Variants in EPB41L5 observed in about 807,000 individuals in gnomAD.
The protein encoded by EPB41L5 is erythrocyte membrane protein band 4.1 like 5, also known as band 4.1-like protein 5.
Under a neutral mutation model 106.6 loss-of-function variants are expected in EPB41L5, and 55 were observed. The observed-to-expected ratio is 0.52, with a 90% CI of 0.42 to 0.65. The LOEUF is 0.65. EPB41L5 is among the 30% of genes least tolerant of loss of function. EPB41L5 has a pLI of 0.00. For missense variants in EPB41L5, 871 were observed against 882.1 expected, an observed-to-expected ratio of 0.99 and a Z score of 0.16; for synonymous variants, 297 against 306.7, an observed-to-expected ratio of 0.97 and a Z score of 0.33.
At chr2:120,037,288 C>T (rs143735396) in intron 2 of EPB41L5, among the ~76,000 whole-genome samples, 82 of 152,244 alleles carry the variant, frequency 5.4e-4, no homozygotes, top group East Asian at 2.9e-3. Flanking sequence ...AGATATCCCA[C>T]GTTCAAGAAT....
intron 2 of EPB41L5, among the ~76,000 whole-genome samples, chr2:120,029,787 A>T (rs1476183312): frequency 5.3e-5 from 8 of 152,198 alleles, no homozygotes; most frequent in Non-Finnish European, 1.5e-5. Flanking sequence ...TATAGATAAA[A>T]ATACTACCGC....
chr2:120,149,585 G>A (rs1307123163), intron 20 of EPB41L5, among the ~76,000 whole-genome samples: 2 of 152,146 alleles, frequency 1.3e-5, no homozygotes, highest in Non-Finnish European at 2.9e-5. Flanking sequence ...TTTTATGGCT[G>A]TATAATATTT....
intron 11 of EPB41L5, among the ~76,000 whole-genome samples, chr2:120,087,715 T>C (rs1665075): frequency 1 from 151,925 of 152,312 alleles, 75,771 homozygotes; most frequent in Middle Eastern, 1. Flanking sequence ...TCTCAAACTC[T>C]TGGCCTTAAG....
At chr2:120,068,161 C>T (rs1377090044) in intron 3 of EPB41L5, among the ~76,000 whole-genome samples, 1 of 152,236 alleles carries the variant, frequency 6.6e-6, no homozygotes, top group Non-Finnish European at 1.5e-5. Flanking sequence ...ATCGCCTCAT[C>T]CGGGAAGCAC....
intron 2 of EPB41L5, among the ~76,000 whole-genome samples, chr2:120,029,393 C>T (rs564588795): frequency 4.7e-4 from 71 of 152,130 alleles, no homozygotes; most frequent in Middle Eastern, 3.4e-3. Context: ...TTTTGTATTT[C>T]GTATATTGGT....
intron 24 of EPB41L5, among the ~76,000 whole-genome samples, chr2:120,173,685 C>T (rs897520178): frequency 6.6e-6 from 1 of 152,120 alleles, no homozygotes; most frequent in African/African-American, 2.4e-5. Context: ...CGTTTTACAT[C>T]TTTAAACTTT....
intron 2 of EPB41L5, among the ~76,000 whole-genome samples, chr2:120,037,952 GA>G (rs1387931862): frequency 4.6e-5 from 7 of 152,042 alleles, no homozygotes; most frequent in African/African-American, 1.7e-4. Flanking sequence ...AGAAAACAGG[GA>G]AAAAATCTTC....
intron 14 of EPB41L5, among the ~76,000 whole-genome samples, chr2:120,096,026 T>C (rs141463676): frequency 8.3e-4 from 127 of 152,304 alleles, no homozygotes; most frequent in Non-Finnish European, 1.5e-3. Flanking sequence ...TGGTCTCATA[T>C]AATGCTTAAT....
intron 10 of EPB41L5, among the ~76,000 whole-genome samples, chr2:120,083,432 C>T (rs1371510196): frequency 6.6e-6 from 1 of 152,122 alleles, no homozygotes; most frequent in East Asian, 1.9e-4. Flanking sequence ...TTTCTTAATC[C>T]TGAGTTCTAG....
chr2:120,027,114 A>G (rs1471228956), intron 2 of EPB41L5, among the ~76,000 whole-genome samples: 1 of 152,248 alleles, frequency 6.6e-6, no homozygotes, highest in Non-Finnish European at 1.5e-5. Flanking sequence ...GTAGGAATGT[A>G]AAATGGCGCA....
At chr2:120,061,565 T>C (rs1161459141) in intron 3 of EPB41L5, among the ~76,000 whole-genome samples, 1 of 151,678 alleles carries the variant, frequency 6.6e-6, no homozygotes, top group Non-Finnish European at 1.5e-5. Context: ...TTGGGTGGGC[T>C]GGTCTCGAGT....
intron 16 of EPB41L5, among the ~76,000 whole-genome samples, chr2:120,109,085 G>A (rs1290846156): frequency 1.3e-5 from 2 of 151,950 alleles, no homozygotes; most frequent in Non-Finnish European, 2.9e-5. Context: ...ACCTCATTGG[G>A]TCTTCTTTAT....
chr2:120,127,947 A>G, intron 17 of EPB41L5, 96 bp downstream of exon 17: 3 of 1,163,110 alleles, frequency 2.6e-6, no homozygotes, highest in Non-Finnish European at 3.5e-6. Context: ...TTTTTGTACT[A>G]GTTCAACTTT....
chr2:120,061,916 TG>T, intron 3 of EPB41L5, among the ~76,000 whole-genome samples: 1 of 152,320 alleles, frequency 6.6e-6, no homozygotes, highest in East Asian at 1.9e-4. Context: ...GGTAGACAGA[TG>T]GTCCAACATG....
chr2:120,053,399 A>G (rs1035760063), intron 3 of EPB41L5, among the ~76,000 whole-genome samples: 11 of 152,228 alleles, frequency 7.2e-5, no homozygotes, highest in Admixed American at 6.5e-4. Flanking sequence ...TGTACAATTC[A>G]GAGTTTTCAG....
intron 22 of EPB41L5, among the ~76,000 whole-genome samples, chr2:120,165,993 A>C (rs913941031): frequency 2.0e-5 from 3 of 150,940 alleles, no homozygotes; most frequent in Non-Finnish European, 4.4e-5. Flanking sequence ...AAAAAAAAAA[A>C]ACAGAAATGA....
At chr2:120,102,335 G>A (rs1327340446) in intron 16 of EPB41L5, among the ~76,000 whole-genome samples, 1 of 152,114 alleles carries the variant, frequency 6.6e-6, no homozygotes, top group African/African-American at 2.4e-5. Flanking sequence ...TTGGAGCTGT[G>A]TGTTCTCCTT....
At chr2:120,124,390 G>A (rs1262405470) in intron 16 of EPB41L5, among the ~76,000 whole-genome samples, 1 of 152,116 alleles carries the variant, frequency 6.6e-6, no homozygotes, top group African/African-American at 2.4e-5. Flanking sequence ...GAAAACTTCA[G>A]ACCTACAGAA....
intron 12 of EPB41L5, 130 bp from the exon 13 acceptor site, chr2:120,091,425 A>T: frequency 1.6e-6 from 1 of 630,878 alleles, no homozygotes; most frequent in Non-Finnish European, 2.9e-6. Flanking sequence ...CGAGACTATT[A>T]GTAGCTGTTC....
Sources: allele counts gnomAD v4.1 joint callset (sites outside exome capture counted in the v4.1 genomes callset), GRCh38; gene constraint gnomAD v4.1.1; transcripts MANE v1.5; gene names NCBI Gene and HGNC (gene_info 2026-07-23, HGNC 2026-07-21).